Variants in PASD1 observed in about 807,000 individuals in gnomAD.
PASD1 encodes the protein circadian clock protein PASD1.
A neutral mutation model predicts 58.8 loss-of-function variants in PASD1; 13 were observed. That is an observed-to-expected ratio of 0.22 (90% CI 0.14 to 0.35). PASD1 has a LOEUF of 0.35. Ranked by LOEUF, PASD1 falls within the 10% of genes least tolerant of loss-of-function variation. The pLI is 1.00. For missense variants in PASD1, 734 were observed against 568.3 expected, an observed-to-expected ratio of 1.29 and a Z score of -2.96; for synonymous variants, 236 against 216.7, an observed-to-expected ratio of 1.09 and a Z score of -0.78.
intron 1 of PASD1, among the ~76,000 whole-genome samples, chrX:151,581,370 C>G (rs1267283675): frequency 9.1e-6 from 1 of 109,884 alleles, no homozygotes; most frequent in Non-Finnish European, 1.9e-5. Context: ...GCAGGAGGAT[C>G]CCCTCAGGCC....
In PASD1 at chrX:151,647,509, A is replaced by G. The variant is rs1021498995; in HGVS notation, c.630-1106A>G. ...ATATTTTAATTAAATTAATATTAAC[A>G]ACATAAAATATTAATAAATATATTT... On this transcript the variant is annotated intron_variant, in intron 8 of 15. Transcript: ENST00000370357. Among the ~76,000 whole-genome samples, 4 of 109,075 alleles carry G rather than the reference A, an allele frequency of 3.7e-5. No individual in the cohort carries two copies. In the East Asian group the frequency reaches 1.1e-3, roughly 31 times the overall value. The allele number at this position is 109,075 out of a possible 115,157, so 94.7% of individuals were successfully genotyped here. A position where few individuals can be genotyped will look rare whatever the true frequency, so the allele number is the denominator to read the frequency against.
intron 9 of PASD1, among the ~76,000 whole-genome samples, chrX:151,652,740 A>G (rs752217849): frequency 3.6e-5 from 4 of 111,099 alleles, no homozygotes; most frequent in East Asian, 2.8e-4. Context: ...GGGGGAGACT[A>G]TTTCAAGAAG....
chrX:151,614,751 G>C (rs1170162608), intron 4 of PASD1, among the ~76,000 whole-genome samples: 1 of 112,000 alleles, frequency 8.9e-6, no homozygotes, highest in Non-Finnish European at 1.9e-5. Context: ...AGTTAGGTTG[G>C]AAGTGGATTA....
chrX:151,650,673 A>G (rs2014117911), intron 9 of PASD1, among the ~76,000 whole-genome samples: 1 of 111,854 alleles, frequency 8.9e-6, no homozygotes, highest in Admixed American at 9.6e-5. Context: ...CCTACCTGAA[A>G]CGGGCAAAAA....
In PASD1 at chrX:151,611,871, G is replaced by A. The variant is rs2013564599; in HGVS notation, c.207+118G>A. 20 of 478,136 alleles carry A rather than the reference G, an allele frequency of 4.2e-5. No individual in the cohort carries two copies. In the South Asian group the frequency reaches 7.3e-4, roughly 17 times the overall value. The allele number at this position is 478,136 out of a possible 1,213,427, so 39.4% of individuals were successfully genotyped here. A position where few individuals can be genotyped will look rare whatever the true frequency, so the allele number is the denominator to read the frequency against. ...TTAGAGTACATGTGCACAACGTGCAGGTTTGTTTCATATGGATACATGTGC... is the reference window on the plus strand; with the variant it reads ...TTAGAGTACATGTGCACAACGTGCAAGTTTGTTTCATATGGATACATGTGC... On this transcript the variant is annotated intron_variant, in intron 4 of 15. Transcript: ENST00000370357.
chrX:151,593,405 C>G (rs2013275673), intron 1 of PASD1, among the ~76,000 whole-genome samples: 1 of 101,447 alleles, frequency 9.9e-6, no homozygotes, highest in African/African-American at 3.7e-5. Flanking sequence ...AACCCCCCAC[C>G]CCTGACAGGC....
At chrX:151,569,735 C>T (rs992630444) in intron 1 of PASD1, among the ~76,000 whole-genome samples, 1 of 110,163 alleles carries the variant, frequency 9.1e-6, no homozygotes. Context: ...AGGAATGGCA[C>T]AGGAGTGAGG....
At chrX:151,585,538 A>G (rs2013151843) in intron 1 of PASD1, among the ~76,000 whole-genome samples, 3 of 110,747 alleles carry the variant, frequency 2.7e-5, no homozygotes, top group Admixed American at 1.9e-4. Flanking sequence ...GGTTGCAGGA[A>G]TTGAGGTGAA....
At chrX:151,625,002 A>G (rs2013765191) in intron 7 of PASD1, among the ~76,000 whole-genome samples, 1 of 112,094 alleles carries the variant, frequency 8.9e-6, no homozygotes, top group African/African-American at 3.2e-5. Flanking sequence ...AGAAACAGAA[A>G]AACATCTGAT....
chrX:151,576,400 A>G (rs747017043), intron 1 of PASD1, among the ~76,000 whole-genome samples: 11 of 112,432 alleles, frequency 9.8e-5, no homozygotes, highest in Admixed American at 2.8e-4. Context: ...CATCATTCAA[A>G]TAGTCAAAAT....
chrX:151,662,683 A>G (rs1468307765), intron 10 of PASD1, among the ~76,000 whole-genome samples: 3 of 112,335 alleles, frequency 2.7e-5, no homozygotes, highest in African/African-American at 9.7e-5. Flanking sequence ...GCCCAGTATC[A>G]TAGGGTTCAT....
intron 8 of PASD1, among the ~76,000 whole-genome samples, chrX:151,638,591 A>G (rs774195315): frequency 9.0e-6 from 1 of 111,657 alleles, no homozygotes; most frequent in African/African-American, 3.2e-5. Context: ...TTCTGGATAC[A>G]AGTTATTTGT....
intron 2 of PASD1, 67 bp downstream of exon 2, chrX:151,601,648 C>A: frequency 9.2e-7 from 1 of 1,086,678 alleles, no homozygotes; most frequent in Non-Finnish European, 1.3e-6. Flanking sequence ...TCCCGTTTCA[C>A]ATCTAGCAAA....
intron 14 of PASD1, chrX:151,672,903 TAAGG>T: frequency 2.4e-6 from 1 of 422,213 alleles, no homozygotes; most frequent in Non-Finnish European, 3.9e-6. Flanking sequence ...AAGGACTAGA[TAAGG>T]AAGCCTCAAT....
intron 8 of PASD1, among the ~76,000 whole-genome samples, chrX:151,636,686 G>C (rs145079036): frequency 6.7e-4 from 75 of 111,830 alleles, no homozygotes; most frequent in African/African-American, 2.4e-3. Flanking sequence ...TTACAGGCAT[G>C]AGCCACCGTG....
chrX:151,575,128 C>T (rs1305823924), intron 1 of PASD1, among the ~76,000 whole-genome samples: 4 of 108,630 alleles, frequency 3.7e-5, no homozygotes, highest in African/African-American at 1.4e-4. Flanking sequence ...AGTAAACCAT[C>T]ATGGTGATTG....
At chrX:151,624,832 A>C (rs1315036745) in intron 7 of PASD1, among the ~76,000 whole-genome samples, 1 of 111,862 alleles carries the variant, frequency 8.9e-6, no homozygotes, top group Non-Finnish European at 1.9e-5. Flanking sequence ...TGGTAAGAAA[A>C]GTAGTATAGA....
intron 9 of PASD1, among the ~76,000 whole-genome samples, chrX:151,657,138 C>G (rs1029073087): frequency 4.5e-5 from 5 of 111,783 alleles, no homozygotes; most frequent in African/African-American, 1.6e-4. Context: ...GTCATTGGTT[C>G]TGTTTATATG....
intron 8 of PASD1, among the ~76,000 whole-genome samples, chrX:151,628,474 A>G (rs1187795841): frequency 8.9e-6 from 1 of 112,106 alleles, no homozygotes; most frequent in Non-Finnish European, 1.9e-5. Flanking sequence ...TCCTTTCCCC[A>G]TTTCTTGTTT....
Sources: allele counts gnomAD v4.1 joint callset (sites outside exome capture counted in the v4.1 genomes callset), GRCh38; gene constraint gnomAD v4.1.1; transcripts MANE v1.5; gene names NCBI Gene and HGNC (gene_info 2026-07-23, HGNC 2026-07-21).